Variants in MYT1L observed in about 807,000 individuals in gnomAD.
MYT1L encodes the protein myelin transcription factor 1-like protein.
MYT1L carries 12 observed loss-of-function variants against 126.7 expected under a neutral mutation model. The ratio of observed to expected loss-of-function variants is 0.09; its 90% CI spans 0.06 to 0.15. MYT1L has a LOEUF of 0.15. MYT1L is among the 10% of genes least tolerant of loss of function. MYT1L has a pLI of 1.00. For synonymous variants in MYT1L, 541 were observed against 604.2 expected (o/e 0.90, Z 1.53); for missense variants, 979 against 1,585.2 (o/e 0.62, Z 6.49).
intron 4 of MYT1L, among the ~76,000 whole-genome samples, chr2:2,014,146 T>A (rs1156550189): frequency 1.3e-5 from 2 of 151,216 alleles, no homozygotes; most frequent in Non-Finnish European, 2.9e-5. Flanking sequence ...GTAAAGTGCA[T>A]CTCATTATTA....
chr2:1,923,022 C>G lies in MYT1L; in HGVS notation c.747G>C (p.Leu249Phe). 2 of 1,614,024 alleles carry G rather than the reference C, an allele frequency of 1.2e-6. No individual in the cohort carries two copies. Among genetic ancestry groups the G allele is most frequent in the Non-Finnish European group, 1.7e-6 (2 of 1,179,894 alleles). Residue 249 changes from leucine (L) to phenylalanine (F), a missense_variant, in exon 10 of 25, where the codon TTG becomes TTC. By Grantham distance (22) the Leu-to-Phe change is conservative (BLOSUM62 0). This residue lies in a region of MYT1L where 243 missense variants were observed against 363.9 expected (regional missense o/e 0.67). Transcript: ENST00000647738. ...KNENLGRKSE[L>F]SLDLDSDVVR... ...CAACATCACTGTCTAAGTCTAAACT[C>G]AACTCACTTTTCCGACCCAGGTTTT...
At chr2:2,122,642 G>GA (rs760076304) in intron 3 of MYT1L, among the ~76,000 whole-genome samples, 1 of 152,200 alleles carries the variant, frequency 6.6e-6, no homozygotes, top group Non-Finnish European at 1.5e-5. Context: ...GGACATTGTT[G>GA]TATAGTCTTG....
intron 5 of MYT1L, among the ~76,000 whole-genome samples, chr2:1,996,528 C>T (rs376973144): frequency 9.4e-3 from 1,238 of 131,380 alleles, no homozygotes; most frequent in Non-Finnish European, 0.013. Context: ...GAGTGAGGGC[C>T]GCCCTGCCTC....
chr2:2,060,825 CCTCTCT>C (rs545805190), intron 3 of MYT1L, among the ~76,000 whole-genome samples: 7 of 143,832 alleles, frequency 4.9e-5, no homozygotes, highest in Non-Finnish European at 7.6e-5. Context: ...TCTCTCTTTC[CCTCTCT>C]CTCTCTCTCT....
rs144902841 is a variant in MYT1L at position 2,283,687 on chromosome 2, G to A, written c.-421+717C>T. ...GGCTGCTCAGACCTCAAACCTACAC[G>A]TGGTCAGGCAATGCTACTCTTTCAT... On this transcript the variant is annotated intron_variant, in intron 2 of 24. Transcript: ENST00000647738. Among the ~76,000 whole-genome samples the A allele has an allele frequency of 4.6e-5, 7 of 152,290 alleles. No individual in the cohort carries two copies. In the East Asian group the frequency reaches 9.7e-4, roughly 21 times the overall value.
intron 8 of MYT1L, among the ~76,000 whole-genome samples, chr2:1,949,557 A>G (rs1280266991): frequency 6.6e-6 from 1 of 152,218 alleles, no homozygotes; most frequent in East Asian, 1.9e-4. Context: ...ACAAACTCAT[A>G]CACATACAAC....
At chr2:2,288,287 C>T (rs1573204055) in intron 1 of MYT1L, among the ~76,000 whole-genome samples, 1 of 152,156 alleles carries the variant, frequency 6.6e-6, no homozygotes, top group South Asian at 2.1e-4. Flanking sequence ...GGATTTGAAC[C>T]CTGATCATCT....
intron 13 of MYT1L, 102 bp from the exon 14 acceptor site, chr2:1,903,396 TAAAC>T (rs1395541442): frequency 8.6e-6 from 8 of 935,540 alleles, no homozygotes; most frequent in African/African-American, 8.3e-5. Flanking sequence ...TTAAATGTGT[TAAAC>T]AATCAGAACC....
chr2:2,193,857 G>T (rs959456894), intron 2 of MYT1L, among the ~76,000 whole-genome samples: 1 of 152,092 alleles, frequency 6.6e-6, no homozygotes, highest in Non-Finnish European at 1.5e-5. Flanking sequence ...TAGAGCTGGA[G>T]AAATTTCTTG....
intron 4 of MYT1L, among the ~76,000 whole-genome samples, chr2:2,021,147 G>T (rs780210097): frequency 6.6e-6 from 1 of 152,216 alleles, no homozygotes; most frequent in Non-Finnish European, 1.5e-5. Flanking sequence ...CTTTTCTAAA[G>T]AAGTGATAAT....
chr2:2,071,873 A>AGAGGT (rs2074643806), intron 3 of MYT1L, among the ~76,000 whole-genome samples: 1 of 152,204 alleles, frequency 6.6e-6, no homozygotes, highest in Non-Finnish European at 1.5e-5. Context: ...GCGTGAGAAC[A>AGAGGT]GAGGTGTACA....
rs1553610292 is a variant in MYT1L, at chr2:2,262,932, A to AT, written c.-421+21471_-421+21472insA. ...GAGGCACAAATATATATATATATAT[A>AT]ACCTGTGATATATATATATATATCA... On this transcript the variant is annotated intron_variant, in intron 2 of 24. Transcript: ENST00000647738. Among the ~76,000 whole-genome samples the AT allele has an allele frequency of 6.6e-4, 27 of 41,180 alleles. 3 individuals carry two copies. Among genetic ancestry groups the AT allele is most frequent in the South Asian group, 2.7e-3 (2 of 738 alleles). 27.0% of individuals were successfully genotyped at this position (41,180 alleles called of 152,430 possible).
intron 1 of MYT1L, among the ~76,000 whole-genome samples, chr2:2,299,265 G>A (rs994829018): frequency 1.2e-4 from 19 of 152,342 alleles, no homozygotes; most frequent in African/African-American, 4.1e-4. Context: ...CCATCAATAT[G>A]TGGAGATCCT....
rs2043444147 is a variant in MYT1L at position 1,852,781 on chromosome 2, T to A, written c.2712-1078A>T. Among the ~76,000 whole-genome samples the A allele has an allele frequency of 6.6e-6, 1 of 152,240 alleles. No homozygotes were observed. The highest frequency in any genetic ancestry group is 2.1e-4 in the South Asian group (1 of 4,832). ...GTAGGAAGCATCAAAGCATACTCCATGCCCCTTCCCACCTCAGTGAGTACC... is the reference window on the plus strand; with the variant it reads ...GTAGGAAGCATCAAAGCATACTCCAAGCCCCTTCCCACCTCAGTGAGTACC... On this transcript the variant is annotated intron_variant, in intron 18 of 24. Transcript: ENST00000647738. The surrounding 1 kb of genome is among the most constrained non-coding windows in gnomAD (Gnocchi z 4.0).
chr2:2,233,842 A>T (rs573134452), intron 2 of MYT1L, among the ~76,000 whole-genome samples: 2 of 152,276 alleles, frequency 1.3e-5, no homozygotes, highest in African/African-American at 2.4e-5. Flanking sequence ...GTGGCCTTTA[A>T]CTATGTCCAG....
intron 5 of MYT1L, among the ~76,000 whole-genome samples, chr2:1,984,671 G>A (rs546749815): frequency 2.0e-5 from 3 of 151,628 alleles, no homozygotes; most frequent in Non-Finnish European, 2.9e-5. Flanking sequence ...CACCATGCCC[G>A]GCTAATTTTT....
At chr2:2,011,761 A>T (rs1216636163) in intron 4 of MYT1L, among the ~76,000 whole-genome samples, 1 of 152,232 alleles carries the variant, frequency 6.6e-6, no homozygotes, top group Non-Finnish European at 1.5e-5. Context: ...AAAACCCTAA[A>T]CACACAAAAA....
intron 2 of MYT1L, among the ~76,000 whole-genome samples, chr2:2,239,951 C>A (rs1473443012): frequency 6.6e-6 from 1 of 152,172 alleles, no homozygotes; most frequent in Non-Finnish European, 1.5e-5. Context: ...ATTCTTTCAT[C>A]CATTCTTTTT....
At chr2:1,954,306 C>T (rs542794866) in intron 8 of MYT1L, among the ~76,000 whole-genome samples, 2 of 152,202 alleles carry the variant, frequency 1.3e-5, no homozygotes, top group Admixed American at 1.3e-4. Flanking sequence ...CCGTTAGATG[C>T]TCCAGCCATG....
Sources: allele counts gnomAD v4.1 joint callset (sites outside exome capture counted in the v4.1 genomes callset), GRCh38; gene constraint gnomAD v4.1.1; regional missense constraint gnomAD v4.1.1; non-coding constraint Gnocchi (gnomAD v3.1); transcripts MANE v1.5; gene names NCBI Gene and HGNC (gene_info 2026-07-23, HGNC 2026-07-21).